The following HPCAL1 variants were observed in gnomAD, a reference collection of about 807,000 sequenced individuals.
The protein encoded by HPCAL1 is hippocalcin-like protein 1.
A neutral mutation model predicts 17.1 loss-of-function variants in HPCAL1; 8 were observed. The observed-to-expected ratio is 0.47, with a 90% confidence interval of 0.27 to 0.84. The LOEUF (loss-of-function observed/expected upper bound fraction) is 0.84. Ranked by LOEUF, HPCAL1 falls within the 40% of genes least tolerant of loss-of-function variation. The probability of loss-of-function intolerance (pLI) is 0.13; values close to 1 mark genes in which losing one functional copy is unlikely to be tolerated. For synonymous variants in HPCAL1, 112 were observed against 111.4 expected (o/e 1.01, Z -0.03); for missense variants, 165 against 271.1 (o/e 0.61, Z 2.75).
At chr2:10,412,315 AT>A (rs1259996306) in intron 2 of HPCAL1, among the ~76,000 whole-genome samples, 1 of 152,240 alleles carries the variant, frequency 6.6e-6, no homozygotes, top group Non-Finnish European at 1.5e-5. Context: ...GTTACACACC[AT>A]CCTTAGGTAC....
chr2:10,346,204 G>A (rs567261806), intron 1 of HPCAL1, among the ~76,000 whole-genome samples: 8 of 151,582 alleles, frequency 5.3e-5, no homozygotes, highest in Admixed American at 2.0e-4. Context: ...CCTTCTTTGA[G>A]GGGGGGTGAC....
intron 2 of HPCAL1, among the ~76,000 whole-genome samples, chr2:10,404,495 C>T (rs754371532): frequency 1.3e-5 from 2 of 152,218 alleles, no homozygotes; most frequent in Non-Finnish European, 2.9e-5. Context: ...CAGGATGCTG[C>T]GTTTCCTTTT....
In HPCAL1 at chr2:10,320,992, A is replaced by G. The variant is rs1572631701; in HGVS notation, c.-111+17815A>G. ...TTGGATGGAAGAGCGTGAGTGTATT[A>G]GGCCGTTCCACATTGTTATAAAGAA... On this transcript the variant is annotated intron_variant, in intron 1 of 4. Transcript: ENST00000307845. Among the ~76,000 whole-genome samples the G allele has an allele frequency of 2.6e-5, 4 of 152,170 alleles. No homozygotes were observed. In the East Asian group the frequency reaches 7.7e-4, roughly 29 times the overall value.
At chr2:10,399,308 C>A (rs1385507524) in intron 2 of HPCAL1, among the ~76,000 whole-genome samples, 1 of 141,070 alleles carries the variant, frequency 7.1e-6, no homozygotes, top group Non-Finnish European at 1.5e-5. Context: ...TCACCACCAC[C>A]ACCACCACCA....
chr2:10,322,879 G>A (rs1663762520), intron 1 of HPCAL1, among the ~76,000 whole-genome samples: 1 of 152,212 alleles, frequency 6.6e-6, no homozygotes. Flanking sequence ...CACGTTTTAT[G>A]TTGTTTGCAG....
At chr2:10,313,719 C>T (rs1228546688) in intron 1 of HPCAL1, among the ~76,000 whole-genome samples, 2 of 152,210 alleles carry the variant, frequency 1.3e-5, no homozygotes, top group East Asian at 3.8e-4. Flanking sequence ...TGAACAGCCT[C>T]TAAGTCCTCT....
chr2:10,377,244 G>A lies in HPCAL1; in HGVS notation c.-110-19591G>A, dbSNP rs748788508. 3.3e-5 allele frequency among the ~76,000 whole-genome samples: 5 copies of A among 152,166 alleles called. No homozygotes were observed. Among genetic ancestry groups the A allele is most frequent in the African/African-American group, 7.2e-5 (3 of 41,440 alleles). ...GCTGCCACGCAGGCCGCGCCGCCCC[G>A]AATGGCAGGTGGAAGGCGGCTGAGT... On this transcript the variant is annotated intron_variant, in intron 1 of 4. Transcript: ENST00000307845. This position sits in a 1 kb window ranked among gnomAD's most constrained non-coding sequence, Gnocchi z 5.9.
chr2:10,385,862 C>T (rs11893459), intron 1 of HPCAL1, among the ~76,000 whole-genome samples: 15,356 of 152,138 alleles, frequency 0.1, 1,019 homozygotes, highest in Middle Eastern at 0.18. Context: ...GCCCTGGACG[C>T]CTGGTTCCAG....
intron 1 of HPCAL1, among the ~76,000 whole-genome samples, chr2:10,373,110 G>C (rs1667329063): frequency 6.6e-6 from 1 of 152,244 alleles, no homozygotes; most frequent in African/African-American, 2.4e-5. Flanking sequence ...CCTGAGAGCT[G>C]CGAGCCGGGG....
At chr2:10,348,856 C>G (rs190380683) in intron 1 of HPCAL1, among the ~76,000 whole-genome samples, 1 of 152,298 alleles carries the variant, frequency 6.6e-6, no homozygotes, top group Non-Finnish European at 1.5e-5. Context: ...TCGTTGAACC[C>G]ATTTAGTCCA....
intron 2 of HPCAL1, among the ~76,000 whole-genome samples, chr2:10,402,314 T>C (rs963783773): frequency 1.3e-5 from 2 of 152,350 alleles, no homozygotes; most frequent in East Asian, 1.9e-4. Flanking sequence ...GCACTTAGCA[T>C]TGTGGCCTGC....
At position 10,394,037 on chromosome 2, in the gene HPCAL1, C is replaced by T. The variant is rs1054779928; in HGVS notation, c.-110-2798C>T. The stretch of plus-strand genomic sequence containing the variant: ...GGCTGAGGCTGGAGGATTGCTTGAG[C>T]CTGGGAGGTTGAGGCTGCAGTGAGC... On this transcript the variant is annotated intron_variant, in intron 1 of 4. Coordinates refer to ENST00000307845, the MANE Select transcript of HPCAL1 (RefSeq NM_002149.4). This position sits in a 1 kb window ranked among gnomAD's most constrained non-coding sequence, Gnocchi z 5.0. Among the ~76,000 whole-genome samples, 3 of 151,700 alleles carry T rather than the reference C, an allele frequency of 2.0e-5. No homozygotes were observed. The highest frequency in any genetic ancestry group is 7.3e-5 in the African/African-American group (3 of 41,268).
At chr2:10,353,023 T>C (rs1435918954) in intron 1 of HPCAL1, among the ~76,000 whole-genome samples, 2 of 152,168 alleles carry the variant, frequency 1.3e-5, no homozygotes, top group Non-Finnish European at 2.9e-5. Flanking sequence ...GAAAGGCGAT[T>C]GGAATTTTGG....
rs1002549218 is a variant in HPCAL1 at position 10,394,182 on chromosome 2, G to C, written c.-110-2653G>C. 2.0e-5 allele frequency among the ~76,000 whole-genome samples: 3 copies of C among 152,112 alleles called. No homozygotes were observed. Among genetic ancestry groups the C allele is most frequent in the African/African-American group, 7.2e-5 (3 of 41,396 alleles). On this transcript the variant is annotated intron_variant, in intron 1 of 4. Coordinates refer to ENST00000307845, the MANE Select transcript of HPCAL1 (RefSeq NM_002149.4). This position sits in a 1 kb window ranked among gnomAD's most constrained non-coding sequence, Gnocchi z 5.0. ...GAGCAGCTGAAAAGAACAGAGCATG[G>C]GTTTGGGGATTTGTGTTTTGGGCGC...
In HPCAL1 at chr2:10,317,946, C is replaced by T. The variant is rs1043556096; in HGVS notation, c.-111+14769C>T. On this transcript the variant is annotated intron_variant, in intron 1 of 4. Coordinates refer to ENST00000307845, the MANE Select transcript of HPCAL1 (RefSeq NM_002149.4). ...AACCTCTCTTGTTGTCCCCATGGGA[C>T]GAGTGGGCACATGCCTTGTTGGATG... is the stretch of plus-strand genomic sequence containing the variant. Among the ~76,000 whole-genome samples the T allele has an allele frequency of 4.6e-5, 7 of 152,268 alleles. No individual in the cohort carries two copies. The South Asian group carries it at 6.2e-4, about 14-fold the overall frequency.
In HPCAL1 at chr2:10,359,321, G is replaced by A. The variant is rs1447823702; in HGVS notation, c.-110-37514G>A. 6.6e-6 allele frequency among the ~76,000 whole-genome samples: 1 copy of A among 152,172 alleles called. No homozygotes were observed. The highest frequency in any genetic ancestry group is 2.4e-5 in the African/African-American group (1 of 41,440). On this transcript the variant is annotated intron_variant, in intron 1 of 4. Transcript: ENST00000307845. This position sits in a 1 kb window ranked among gnomAD's most constrained non-coding sequence, Gnocchi z 4.1. ...TGGGGGCTCTCTGGACCCTGCGGCTGGCATGGGTTAGTGGCTCCGTGTCAC... is the reference window on the plus strand; with the variant it reads ...TGGGGGCTCTCTGGACCCTGCGGCTAGCATGGGTTAGTGGCTCCGTGTCAC...
intron 2 of HPCAL1, among the ~76,000 whole-genome samples, chr2:10,414,202 G>A (rs370151064): frequency 3.3e-4 from 51 of 152,364 alleles, no homozygotes; most frequent in African/African-American, 1.1e-3. Context: ...CAGGTGTAAC[G>A]TACCTGGCAT....
At chr2:10,374,823 G>A (rs1235439121) in intron 1 of HPCAL1, among the ~76,000 whole-genome samples, 2 of 152,226 alleles carry the variant, frequency 1.3e-5, no homozygotes, top group South Asian at 2.1e-4. Context: ...GTTGATTGTT[G>A]TTGGCTGATG....
intron 1 of HPCAL1, among the ~76,000 whole-genome samples, chr2:10,366,477 C>A (rs1666864567): frequency 6.6e-6 from 1 of 152,174 alleles, no homozygotes; most frequent in South Asian, 2.1e-4. Context: ...CTCAGGGGAT[C>A]CACCTGCCTT....
Sources: allele counts gnomAD v4.1 joint callset (sites outside exome capture counted in the v4.1 genomes callset), GRCh38; gene constraint gnomAD v4.1.1; non-coding constraint Gnocchi (gnomAD v3.1); transcripts MANE v1.5; gene names NCBI Gene and HGNC (gene_info 2026-07-23, HGNC 2026-07-21).